The following VAPB variants were observed in gnomAD, a reference collection of about 807,000 sequenced individuals.
VAPB encodes the protein vesicle-associated membrane protein-associated protein B/C.
A neutral mutation model predicts 25.6 loss-of-function variants in VAPB; 7 were observed. The ratio of observed to expected loss-of-function variants is 0.27; its 90% confidence interval spans 0.16 to 0.51. The LOEUF (loss-of-function observed/expected upper bound fraction) is 0.51, where lower values mean the gene tolerates loss of function less well. Among genes scored for constraint, VAPB ranks in the 20% least tolerant of loss-of-function variants. The pLI is 0.97. For missense variants in VAPB, 266 were observed against 301.3 expected (o/e 0.88, Z 0.87); for synonymous variants, 112 against 109.2 (o/e 1.03, Z -0.16).
rs1192126737 is a variant in VAPB at position 58,448,210 on chromosome 20, A to G, written c.*3975A>G. 6.6e-6 allele frequency: 3 copies of G among 453,998 alleles called. No individual in the cohort carries two copies. Among genetic ancestry groups the G allele is most frequent in the South Asian group, 1.6e-5 (1 of 64,484 alleles). The allele number at this position is 453,998 out of a possible 1,614,324, so 28.1% of individuals were successfully genotyped here. A position where few individuals can be genotyped will look rare whatever the true frequency, so the allele number is the denominator to read the frequency against. On this transcript the variant is annotated 3_prime_UTR_variant, in exon 6 of 6. Transcript: ENST00000475243. Reference sequence around the variant, plus strand: ...GTATATAGATGGATGACTCTAGTTCATGACATACAAATCCCATAAGGCCAA... The same window carrying G: ...GTATATAGATGGATGACTCTAGTTCGTGACATACAAATCCCATAAGGCCAA...
chr20:58,399,713 CAAAAAA>C (rs11315321), intron 1 of VAPB, among the ~76,000 whole-genome samples: 1 of 128,386 alleles, frequency 7.8e-6, no homozygotes, highest in African/African-American at 2.8e-5. Flanking sequence ...GAGACCGTCT[CAAAAAA>C]AAAAAAAAAA....
chr20:58,443,847 C>G (rs1298429240), intron 5 of VAPB, among the ~76,000 whole-genome samples: 2 of 152,134 alleles, frequency 1.3e-5, no homozygotes, highest in Non-Finnish European at 2.9e-5. Flanking sequence ...TCTGTTGTAA[C>G]TAGCAGCAGC....
Position 58,448,575 on chromosome 20 carries a change from C to T in VAPB, c.*4340C>T, listed in dbSNP as rs1360291547. The T allele has an allele frequency of 2.2e-6, 1 of 453,958 alleles. No homozygotes were observed. The highest frequency in any genetic ancestry group is 4.4e-6 in the Non-Finnish European group (1 of 226,796). 28.1% of individuals were successfully genotyped at this position (453,958 alleles called of 1,614,324 possible). A position where few individuals can be genotyped will look rare whatever the true frequency, so the allele number is the denominator to read the frequency against. On this transcript the variant is annotated 3_prime_UTR_variant, in exon 6 of 6. Coordinates refer to ENST00000475243, the MANE Select transcript of VAPB (RefSeq NM_004738.5). ...ATCAGTCTCTGTAAGGCCTACATTG[C>T]TAAGATACCATTTCAGCTCTGAAAA...
chr20:58,425,691 A>G (rs1988769033), intron 2 of VAPB, among the ~76,000 whole-genome samples: 2 of 152,056 alleles, frequency 1.3e-5, no homozygotes, highest in Admixed American at 1.3e-4. Flanking sequence ...CCAGGTGTGT[A>G]CCCTGGGCCA....
At position 58,441,038 on chromosome 20, in the gene VAPB, G is replaced by C. The variant is rs199921117; in HGVS notation, c.528G>C (p.Leu176=). The C allele has an allele frequency of 2.5e-6, 4 of 1,613,964 alleles. No homozygotes were observed. The Middle Eastern group carries it at 4.9e-4, about 199-fold the overall frequency. Residue 176 remains leucine, a synonymous_variant, in exon 5 of 6, where the codon CTG becomes CTC. Transcript: ENST00000475243. The part of the protein sequence containing the change: ...VKKVMEECKR[L]QGEVQRLREE... ...AGGTTATGGAAGAATGTAAGAGGCTGCAAGGTGAAGTTCAGAGGCTACGGG... is the reference window on the plus strand; with the variant it reads ...AGGTTATGGAAGAATGTAAGAGGCTCCAAGGTGAAGTTCAGAGGCTACGGG...
intron 2 of VAPB, among the ~76,000 whole-genome samples, chr20:58,433,621 G>GAAC (rs1213957506): frequency 6.6e-6 from 1 of 152,170 alleles, no homozygotes; most frequent in Admixed American, 6.5e-5. Flanking sequence ...TCACCTCTCT[G>GAAC]TGTTCATTCT....
Position 58,444,184 on chromosome 20 carries a change from G to A in VAPB, c.681G>A (p.Leu227=), listed in dbSNP as rs778389082. 18 of 1,614,110 alleles carry A rather than the reference G, an allele frequency of 1.1e-5. No homozygotes were observed. In the East Asian group the frequency reaches 3.8e-4, roughly 34 times the overall value. The change falls in exon 6 of 6, where the codon CTG becomes CTA. Residue 227 remains leucine, a synonymous_variant. Coordinates refer to ENST00000475243, the MANE Select transcript of VAPB (RefSeq NM_004738.5). ...EEGLSTRLLA[L]VVLFFIVGVI... ...GCCTTAGCACCCGGCTCTTGGCTCT[G>A]GTGGTTTTGTTCTTTATCGTTGGTG...
At chr20:58,441,160 C>A in intron 5 of VAPB, 77 bp downstream of exon 5, 1 of 1,468,814 alleles carries the variant, frequency 6.8e-7, no homozygotes, top group Non-Finnish European at 9.4e-7. Context: ...AGTTGATGAG[C>A]CAGTGAATAT....
chr20:58,390,782 G>C (rs1453467948), intron 1 of VAPB, among the ~76,000 whole-genome samples: 1 of 152,144 alleles, frequency 6.6e-6, no homozygotes, highest in East Asian at 1.9e-4. Context: ...CTTACCCAAA[G>C]TTACCCAGTT....
intron 1 of VAPB, 37 bp downstream of exon 1, chr20:58,389,554 C>G: frequency 6.4e-7 from 1 of 1,550,986 alleles, no homozygotes; most frequent in African/African-American, 1.4e-5. Context: ...TGCCCGCGGC[C>G]TCCGCCCCAG....
At chr20:58,404,947 C>T (rs1013364681) in intron 1 of VAPB, among the ~76,000 whole-genome samples, 2 of 150,696 alleles carry the variant, frequency 1.3e-5, no homozygotes, top group African/African-American at 4.9e-5. Context: ...GCTGAGAGGC[C>T]GAGATGAGAA....
chr20:58,391,910 A>G (rs373927363), intron 1 of VAPB, among the ~76,000 whole-genome samples: 37 of 152,220 alleles, frequency 2.4e-4, no homozygotes, highest in African/African-American at 8.4e-4. Flanking sequence ...TGAGTAGACA[A>G]GAGTCAGATC....
At chr20:58,424,968 C>A (rs1289913490) in intron 2 of VAPB, among the ~76,000 whole-genome samples, 3 of 152,238 alleles carry the variant, frequency 2.0e-5, no homozygotes, top group African/African-American at 7.2e-5. Context: ...CCAAGGTGGT[C>A]ATGATCTCAA....
In VAPB at chr20:58,444,171, G is replaced by A. The variant is rs763755820; in HGVS notation, c.668G>A (p.Arg223Gln). ...GGGAAGGAAGAAGGCCTTAGCACCCGGCTCTTGGCTCTGGTGGTTTTGTTC... is the reference window on the plus strand; with the variant it reads ...GGGAAGGAAGAAGGCCTTAGCACCCAGCTCTTGGCTCTGGTGGTTTTGTTC... ...PTGKEEGLSTRLLALVVLFFI... is the reference protein window; with the variant it reads ...PTGKEEGLSTQLLALVVLFFI... Residue 223 changes from arginine to glutamine, a missense_variant, in exon 6 of 6, where the codon CGG becomes CAG. Physicochemically the swap from Arg to Gln is conservative, Grantham distance 43. Coordinates refer to ENST00000475243, the MANE Select transcript of VAPB (RefSeq NM_004738.5). 3.7e-6 allele frequency: 6 copies of A among 1,614,172 alleles called. No individual in the cohort carries two copies. The highest frequency in any genetic ancestry group is 5.1e-6 in the Non-Finnish European group (6 of 1,180,034).
At position 58,444,259 on chromosome 20, in the gene VAPB, A is replaced by T. The variant is rs201048706; in HGVS notation, c.*24A>T. The T allele has an allele frequency of 6.2e-7, 1 of 1,614,160 alleles. No individual in the cohort carries two copies. The highest frequency in any genetic ancestry group is 8.5e-7 in the Non-Finnish European group (1 of 1,180,020). ...AGAGGTAGCATGCACAGGATGGTAA[A>T]TTGGATTGGTGGATCCACCATATCA... On this transcript the variant is annotated 3_prime_UTR_variant, in exon 6 of 6. Coordinates refer to ENST00000475243, the MANE Select transcript of VAPB (RefSeq NM_004738.5).
chr20:58,449,705 G>A lies in VAPB; in HGVS notation c.*5470G>A, dbSNP rs1028724699. The A allele has an allele frequency of 4.4e-6, 2 of 454,116 alleles. No individual in the cohort carries two copies. The highest frequency in any genetic ancestry group is 8.8e-6 in the Non-Finnish European group (2 of 226,784). The allele number at this position is 454,116 out of a possible 1,614,324, so 28.1% of individuals were successfully genotyped here. A position where few individuals can be genotyped will look rare whatever the true frequency, so the allele number is the denominator to read the frequency against. On this transcript the variant is annotated 3_prime_UTR_variant, in exon 6 of 6. Coordinates refer to ENST00000475243, the MANE Select transcript of VAPB (RefSeq NM_004738.5). ...TTTTAAACCAGGAAACATTGATCCT[G>A]TAACAATGCCCGATTACAATTGCTT...
At position 58,449,635 on chromosome 20, in the gene VAPB, T is replaced by G. The variant is rs1434945473; in HGVS notation, c.*5400T>G. On this transcript the variant is annotated 3_prime_UTR_variant, in exon 6 of 6. Coordinates refer to ENST00000475243, the MANE Select transcript of VAPB (RefSeq NM_004738.5). ...AGATGTCAGTTGAATAAAACAGTAC[T>G]GTGGGAGAATCGCTTTCTGCTGCTA... The G allele has an allele frequency of 4.4e-6, 2 of 453,910 alleles. No homozygotes were observed. The highest frequency in any genetic ancestry group is 4.7e-5 in the Admixed American group (2 of 42,556). The allele number at this position is 453,910 out of a possible 1,614,324, so 28.1% of individuals were successfully genotyped here.
intron 1 of VAPB, among the ~76,000 whole-genome samples, chr20:58,412,873 G>A (rs568055734): frequency 3.9e-5 from 6 of 152,254 alleles, no homozygotes; most frequent in Admixed American, 3.9e-4. Context: ...ATGTAGATCA[G>A]GAGACTGTTT....
chr20:58,418,060 A>G, intron 1 of VAPB, 151 bp from the exon 2 acceptor site: 1 of 1,061,926 alleles, frequency 9.4e-7, no homozygotes, highest in South Asian at 1.3e-5. Context: ...CTAGTGCATT[A>G]ACCTCAGCTC....
Sources: gnomAD v4.1 joint callset for allele counts (sites outside exome capture counted in the v4.1 genomes callset) on GRCh38, gnomAD v4.1.1 for gene constraint, MANE v1.5 for transcripts, NCBI Gene and HGNC (gene_info 2026-07-23, HGNC 2026-07-21) for gene names.